Variants in DPP3 observed in about 807,000 individuals in gnomAD.
The protein encoded by DPP3 is dipeptidyl peptidase 3.
DPP3 carries 64 observed loss-of-function variants against 89.8 expected under a neutral mutation model. The observed-to-expected ratio is 0.71, with a 90% CI of 0.58 to 0.88. The LOEUF is 0.88. DPP3 is among the 40% of genes least tolerant of loss of function. DPP3 has a pLI of 0.00. For missense variants in DPP3, 835 were observed against 972.5 expected (o/e 0.86, Z 1.88); for synonymous variants, 377 against 404.3 (o/e 0.93, Z 0.81).
Position 66,485,024 on chromosome 11 carries a change from C to T in DPP3, c.271-149C>T, listed in dbSNP as rs1855184796. Reference sequence around the variant, plus strand: ...TCTGTGGAAGTGAGTGTGGGCCAGACTGGGGCTTCCCAGGACCTAGGTCCT... The same window carrying T: ...TCTGTGGAAGTGAGTGTGGGCCAGATTGGGGCTTCCCAGGACCTAGGTCCT... On this transcript the variant is annotated intron_variant, in intron 2 of 17. Transcript: ENST00000531863. 1.4e-5 allele frequency: 10 copies of T among 719,052 alleles called. No homozygotes were observed. The South Asian group carries it at 1.7e-4, about 12-fold the overall frequency. 44.5% of individuals were successfully genotyped at this position (719,052 alleles called of 1,614,324 possible). A position where few individuals can be genotyped will look rare whatever the true frequency, so the allele number is the denominator to read the frequency against.
chr11:66,493,036 C>A (rs1229109245), intron 10 of DPP3, 31 bp from the exon 11 acceptor site: 1 of 1,613,316 alleles, frequency 6.2e-7, no homozygotes, highest in Non-Finnish European at 8.5e-7. Context: ...ACCCTCACCT[C>A]TTCTTTCTGG....
At chr11:66,505,336 C>T (rs1855773874) in intron 17 of DPP3, among the ~76,000 whole-genome samples, 2 of 152,216 alleles carry the variant, frequency 1.3e-5, no homozygotes, top group South Asian at 4.1e-4. Flanking sequence ...CACCCCTTGA[C>T]TCATCTTTCC....
At chr11:66,480,703 C>T (rs980452847) in intron 1 of DPP3, 40 of 422,462 alleles carry the variant, frequency 9.5e-5, no homozygotes, top group Non-Finnish European at 1.4e-4. Context: ...GGCGAGGAGG[C>T]TGGACACTCT....
chr11:66,492,698 C>G lies in DPP3; in HGVS notation c.989-18C>G, dbSNP rs370596502. On this transcript the variant is annotated intron_variant, in intron 9 of 17. Coordinates refer to ENST00000531863, the MANE Select transcript of DPP3 (RefSeq NM_130443.4). ...TCCTGGAACCCTGCCAAGCCACAAC[C>G]CCCTCCCTCCTCTGCAGGTTTCGTA... 1 of 1,547,744 alleles carries G rather than the reference C, an allele frequency of 6.5e-7. No homozygotes were observed. The highest frequency in any genetic ancestry group is 1.4e-5 in the African/African-American group (1 of 72,674).
chr11:66,487,421 T>C, intron 5 of DPP3, 79 bp downstream of exon 5: 1 of 1,432,502 alleles, frequency 7.0e-7, no homozygotes, highest in Non-Finnish European at 9.8e-7. Flanking sequence ...TGGTGACCAC[T>C]CCTGGGTCTC....
chr11:66,482,206 G>A lies in DPP3; in HGVS notation c.6G>A (p.Ala2=), dbSNP rs139875519. M[A]DTQYILPNDI... ...GATGGTTCTCAGCAGGGCCCATGGC[G>A]GACACCCAGTACATCCTGCCCAATG... Residue 2 remains alanine (A), a synonymous_variant, in exon 2 of 18, where the codon GCG becomes GCA. Transcript: ENST00000531863. The A allele has an allele frequency of 6.9e-5, 111 of 1,614,042 alleles. No homozygotes were observed. In the African/African-American group the frequency reaches 9.3e-4, roughly 14 times the overall value.
intron 6 of DPP3, among the ~76,000 whole-genome samples, chr11:66,488,336 C>A (rs1168006026): frequency 6.6e-6 from 1 of 152,112 alleles, no homozygotes; most frequent in Non-Finnish European, 1.5e-5. Context: ...CAAAGGTGGG[C>A]GAATCACCTA....
Position 66,485,281 on chromosome 11 carries a change from G to C in DPP3, c.360+19G>C, listed in dbSNP as rs766280216. ...GCCCAAGGTGAGCCAAGGGAGGGTT[G>C]GGGAAGGTGGGGATGGGGGGCTGGT... On this transcript the variant is annotated intron_variant, in intron 3 of 17. Coordinates refer to ENST00000531863, the MANE Select transcript of DPP3 (RefSeq NM_130443.4). 5 of 1,611,488 alleles carry C rather than the reference G, an allele frequency of 3.1e-6. No homozygotes were observed. The African/African-American group carries it at 6.7e-5, about 22-fold the overall frequency.
rs1855390095 is a variant in DPP3, at chr11:66,491,577, G to A, written c.882G>A (p.Lys294=). The change falls in exon 8 of 18, where the codon AAG becomes AAA. Residue 294 remains lysine, a synonymous_variant. Coordinates refer to ENST00000531863, the MANE Select transcript of DPP3 (RefSeq NM_130443.4). The stretch of plus-strand genomic sequence containing the variant: ...CCCAGGGCTCCATCGAGGCCCACAA[G>A]AGGGGCTCCCGCTTCTGGATCCAGG... The part of the protein sequence containing the change: ...SFTQGSIEAH[K]RGSRFWIQDK... 1.2e-6 allele frequency: 2 copies of A among 1,613,978 alleles called. No individual in the cohort carries two copies. Among genetic ancestry groups the A allele is most frequent in the East Asian group, 2.2e-5 (1 of 44,872 alleles).
Position 66,509,440 on chromosome 11 carries a change from C to T in DPP3, c.*189C>T, listed in dbSNP as rs1855892051. On this transcript the variant is annotated 3_prime_UTR_variant, in exon 18 of 18. Transcript: ENST00000531863. ...TTCCAGCCTGCCAATTGCTTCCCCT[C>T]TGTGATCTCATTTCATCTGCACTGC... 3 of 1,525,436 alleles carry T rather than the reference C, an allele frequency of 2.0e-6. No individual in the cohort carries two copies. The South Asian group carries it at 3.6e-5, about 18-fold the overall frequency. The allele number at this position is 1,525,436 out of a possible 1,614,324, so 94.5% of individuals were successfully genotyped here.
chr11:66,492,359 T>G (rs759072766), intron 9 of DPP3: 13 of 210,318 alleles, frequency 6.2e-5, no homozygotes, highest in Non-Finnish European at 1.1e-4. Flanking sequence ...CTTCTCTGAC[T>G]GCCCTAATCC....
Position 66,495,507 on chromosome 11 carries a change from G to A in DPP3, c.1577+18G>A, listed in dbSNP as rs201637524. The A allele has an allele frequency of 7.7e-5, 124 of 1,609,876 alleles. No individual in the cohort carries two copies. The highest frequency in any genetic ancestry group is 9.1e-5 in the Non-Finnish European group (107 of 1,177,550). ...GTGCTGGAGTAAGAGCAGCAGGGCCGAGGGGCGGGCTGTCCCGCTGCAGTG... is the reference window on the plus strand; with the variant it reads ...GTGCTGGAGTAAGAGCAGCAGGGCCAAGGGGCGGGCTGTCCCGCTGCAGTG... On this transcript the variant is annotated intron_variant, in intron 14 of 17. Transcript: ENST00000531863.
At position 66,486,524 on chromosome 11, in the gene DPP3, C is replaced by T. The variant is rs1385886823; in HGVS notation, c.361-16C>T. On this transcript the variant is annotated splice_polypyrimidine_tract_variant and intron_variant, in intron 3 of 17. Transcript: ENST00000531863. ...TGGGTGGTGTGACTGGGCCATTGGC[C>T]TCCCTTTCCTTGCAGGAAAAGCTGG... is the stretch of plus-strand genomic sequence containing the variant. 6.7e-7 allele frequency: 1 copy of T among 1,489,568 alleles called. No homozygotes were observed. Among genetic ancestry groups the T allele is most frequent in the Non-Finnish European group, 9.0e-7 (1 of 1,115,028 alleles). The allele number at this position is 1,489,568 out of a possible 1,614,324, so 92.3% of individuals were successfully genotyped here. A position where few individuals can be genotyped will look rare whatever the true frequency, so the allele number is the denominator to read the frequency against.
Position 66,504,744 on chromosome 11 carries a change from CTCAT to C in DPP3, c.2013_2016del (p.Ile672PhefsTer159), listed in dbSNP as rs1855761189. 3 of 1,612,542 alleles carry C rather than the reference CTCAT, an allele frequency of 1.9e-6. No individual in the cohort carries two copies. The highest frequency in any genetic ancestry group is 2.5e-6 in the Non-Finnish European group (3 of 1,179,516). On this transcript the variant is annotated frameshift_variant, in exon 17 of 18. Transcript: ENST00000531863. LOFTEE classifies it high-confidence loss of function. ...GCTGCTGCGTAAGGAATCTCGGAAG[CTCAT>C]TGTTCAGCCCAACACTCGCCTTGAA...
At chr11:66,487,763 C>T in intron 5 of DPP3, 151 bp from the exon 6 acceptor site, 1 of 654,178 alleles carries the variant, frequency 1.5e-6, no homozygotes. Flanking sequence ...TGCCCACTCC[C>T]ACTCTCTCCC....
intron 16 of DPP3, among the ~76,000 whole-genome samples, chr11:66,498,753 G>A (rs1855605839): frequency 6.6e-6 from 1 of 152,188 alleles, no homozygotes; most frequent in South Asian, 2.1e-4. Flanking sequence ...CTGGCGTGAT[G>A]GCTCATGCCT....
intron 17 of DPP3, among the ~76,000 whole-genome samples, chr11:66,506,914 C>A (rs115848034): frequency 7.9e-5 from 12 of 151,886 alleles, no homozygotes; most frequent in African/African-American, 2.9e-4. Context: ...TTTCTTCTAG[C>A]GCCCATCACG....
chr11:66,509,349 G>T lies in DPP3; in HGVS notation c.*98G>T. ...TAGGGGCTGGGGAGGGGGAGGGGCA[G>T]GAGCTTGGACCTTGGTACTACCTCA... On this transcript the variant is annotated 3_prime_UTR_variant, in exon 18 of 18. Transcript: ENST00000531863. The T allele has an allele frequency of 6.5e-7, 1 of 1,545,802 alleles. No individual in the cohort carries two copies.
At chr11:66,494,640 G>A (rs1045703007) in intron 12 of DPP3, among the ~76,000 whole-genome samples, 1 of 152,204 alleles carries the variant, frequency 6.6e-6, no homozygotes, top group South Asian at 2.1e-4. Context: ...CAGCGTCCAC[G>A]GAGGTTGTGT....
Sources: gnomAD v4.1 joint callset for allele counts (sites outside exome capture counted in the v4.1 genomes callset) on GRCh38, gnomAD v4.1.1 for gene constraint, MANE v1.5 for transcripts, NCBI Gene and HGNC (gene_info 2026-07-23, HGNC 2026-07-21) for gene names.